The following VWA3B variants were observed in gnomAD, a reference collection of about 807,000 sequenced individuals.
VWA3B encodes von Willebrand factor A domain containing 3B.
A neutral mutation model predicts 158.3 loss-of-function variants in VWA3B; 138 were observed. The ratio of observed to expected loss-of-function variants is 0.87; its 90% CI spans 0.76 to 1.00. The LOEUF (loss-of-function observed/expected upper bound fraction) is 1.00. Ranked by LOEUF, VWA3B falls within the 50% of genes least tolerant of loss-of-function variation. VWA3B has a pLI of 0.00. For missense variants in VWA3B, 1,555 were observed against 1,565.1 expected, an observed-to-expected ratio of 0.99 and a Z score of 0.11; for synonymous variants, 596 against 587.3, an observed-to-expected ratio of 1.01 and a Z score of -0.21.
chr2:98,329,308 AC>A, the VWA3B span, among the ~76,000 whole-genome samples: 1 of 152,234 alleles, frequency 6.6e-6, no homozygotes, highest in East Asian at 1.9e-4. Flanking sequence ...TACAAAAATC[AC>A]TAAACATAAA....
At chr2:98,192,826 T>C in intron 10 of VWA3B, 72 bp from the exon 11 acceptor site, 1 of 1,604,614 alleles carries the variant, frequency 6.2e-7, no homozygotes, top group Admixed American at 1.7e-5. Flanking sequence ...AGATGCATCG[T>C]TAAGTTCTTG....
At chr2:98,260,588 C>T (rs75933467) in intron 21 of VWA3B, among the ~76,000 whole-genome samples, 2,149 of 151,646 alleles carry the variant, frequency 0.014, 56 homozygotes, top group African/African-American at 0.049. Context: ...GAGGCTTGAG[C>T]GTCTGTGGAT....
chr2:98,178,696 C>T (rs1401798565), intron 8 of VWA3B, among the ~76,000 whole-genome samples: 1 of 152,184 alleles, frequency 6.6e-6, no homozygotes, highest in East Asian at 1.9e-4. Context: ...AATACAGTTG[C>T]CTGGGGAGCT....
intron 1 of VWA3B, among the ~76,000 whole-genome samples, chr2:98,091,107 G>C (rs935513233): frequency 6.6e-6 from 1 of 152,180 alleles, no homozygotes; most frequent in African/African-American, 2.4e-5. Flanking sequence ...TGAGCTCTGA[G>C]AATAAAGATT....
intron 16 of VWA3B, among the ~76,000 whole-genome samples, chr2:98,231,273 G>A (rs1685317448): frequency 6.6e-6 from 1 of 152,080 alleles, no homozygotes; most frequent in African/African-American, 2.4e-5. Context: ...ACATATACAA[G>A]CATATTCTAA....
At chr2:98,319,630 A>T in the VWA3B span, among the ~76,000 whole-genome samples, 1 of 152,224 alleles carries the variant, frequency 6.6e-6, no homozygotes, top group Non-Finnish European at 1.5e-5. Flanking sequence ...TTATAATCCC[A>T]ACACTTTGGG....
intron 13 of VWA3B, chr2:98,216,811 T>G (rs1270328736): frequency 9.6e-6 from 6 of 622,734 alleles, no homozygotes; most frequent in South Asian, 3.0e-5. Context: ...GTATCAGTTC[T>G]GAGCCACAGA....
At chr2:98,221,402 C>T (rs1404159505) in intron 14 of VWA3B, among the ~76,000 whole-genome samples, 1 of 152,110 alleles carries the variant, frequency 6.6e-6, no homozygotes, top group Non-Finnish European at 1.5e-5. Context: ...AGTCATATAC[C>T]ATGGAAAAAA....
At chr2:98,222,463 C>A (rs1297055163) in intron 14 of VWA3B, among the ~76,000 whole-genome samples, 1 of 152,204 alleles carries the variant, frequency 6.6e-6, no homozygotes, top group Admixed American at 6.5e-5. Flanking sequence ...TGGGAAGCCT[C>A]GTTGTCTCTG....
intron 8 of VWA3B, chr2:98,179,400 A>G (rs1229896902): frequency 4.5e-5 from 17 of 381,424 alleles, no homozygotes; most frequent in South Asian, 2.8e-4. Flanking sequence ...TGTTTAGGCA[A>G]TTGGCATTGT....
chr2:98,185,242 C>T (rs141419315), intron 9 of VWA3B, among the ~76,000 whole-genome samples: 5 of 152,154 alleles, frequency 3.3e-5, no homozygotes, highest in African/African-American at 1.2e-4. Flanking sequence ...GTCTCCTCCA[C>T]CAGGATATAA....
downstream of VWA3B, among the ~76,000 whole-genome samples, chr2:98,314,552 C>G (rs1411731201): frequency 1.3e-5 from 2 of 152,092 alleles, no homozygotes; most frequent in African/African-American, 4.8e-5. Context: ...GAAAAGCAAG[C>G]CTGGGAAGGA....
At chr2:98,134,336 G>A (rs892222900) in intron 7 of VWA3B, among the ~76,000 whole-genome samples, 3 of 152,182 alleles carry the variant, frequency 2.0e-5, no homozygotes, top group Non-Finnish European at 4.4e-5. Flanking sequence ...CAGGGCCTGC[G>A]GATGCAGCTT....
At chr2:98,254,146 G>A (rs934478467) in intron 20 of VWA3B, among the ~76,000 whole-genome samples, 1 of 152,158 alleles carries the variant, frequency 6.6e-6, no homozygotes, top group Non-Finnish European at 1.5e-5. Flanking sequence ...TAAACATTGA[G>A]CTATTCGTGA....
At chr2:98,183,183 A>G (rs1574012393) in intron 9 of VWA3B, among the ~76,000 whole-genome samples, 1 of 141,130 alleles carries the variant, frequency 7.1e-6, no homozygotes, top group Non-Finnish European at 1.5e-5. Context: ...TATATAGTAC[A>G]GCTCCCTTTT....
intron 13 of VWA3B, chr2:98,216,728 A>C (rs776337679): frequency 6.3e-6 from 3 of 473,910 alleles, no homozygotes; most frequent in Non-Finnish European, 1.3e-5. Context: ...AAATGTACTC[A>C]ACAAATATTT....
rs184803744 is a variant in VWA3B, at chr2:98,227,761, T to C, written c.2020-441T>C. On this transcript the variant is annotated intron_variant, in intron 14 of 27. Transcript: ENST00000477737. Reference sequence around the variant, plus strand: ...TTGAGGGAGAGGGCTTGTAGGAGGGTGTGCAGATTTACAATGGGGCACAAG... The same window carrying C: ...TTGAGGGAGAGGGCTTGTAGGAGGGCGTGCAGATTTACAATGGGGCACAAG... Among the ~76,000 whole-genome samples the C allele has an allele frequency of 3.1e-3, 477 of 152,196 alleles. 1 individual carries two copies. The highest frequency in any genetic ancestry group is 0.011 in the African/African-American group (444 of 41,524).
In VWA3B at chr2:98,243,460, A is replaced by T. The variant is rs1574178552; in HGVS notation, c.2673+6730A>T. On this transcript the variant is annotated intron_variant, in intron 19 of 27. Coordinates refer to ENST00000477737, the MANE Select transcript of VWA3B (RefSeq NM_144992.5). ...GCAATTCTCCTGCCTCAGCCTCCCGAGTAGCTGTGATTACAGGCACGCACC... is the reference window on the plus strand; with the variant it reads ...GCAATTCTCCTGCCTCAGCCTCCCGTGTAGCTGTGATTACAGGCACGCACC... 2.0e-5 allele frequency among the ~76,000 whole-genome samples: 3 copies of T among 151,970 alleles called. No individual in the cohort carries two copies. The South Asian group carries it at 6.2e-4, about 32-fold the overall frequency.
chr2:98,107,351 A>T (rs905330286), intron 2 of VWA3B, among the ~76,000 whole-genome samples: 7 of 152,056 alleles, frequency 4.6e-5, no homozygotes, highest in Non-Finnish European at 1.0e-4. Flanking sequence ...AGCTTCATAA[A>T]ATGAGTTGGG....
Sources: allele counts gnomAD v4.1 joint callset (sites outside exome capture counted in the v4.1 genomes callset), GRCh38; gene constraint gnomAD v4.1.1; transcripts MANE v1.5; gene names NCBI Gene and HGNC (gene_info 2026-07-23, HGNC 2026-07-21).